Variants in FKBP14 observed in about 807,000 individuals in gnomAD.
FKBP14 encodes the protein FKBP prolyl isomerase 14.
In FKBP14, 20 loss-of-function variants were observed where a neutral mutation model predicts 21.6. That is an observed-to-expected ratio of 0.92 (90% CI 0.65 to 1.34). FKBP14 has a LOEUF of 1.34. Ranked by LOEUF, FKBP14 falls within the 40% of genes most tolerant of loss-of-function variation. The pLI, the probability that FKBP14 is intolerant of heterozygous loss-of-function variation, is 0.00. For missense variants in FKBP14, 253 were observed against 249.0 expected (o/e 1.02, Z -0.11); for synonymous variants, 79 against 86.7 (o/e 0.91, Z 0.49).
chr7:30,026,378 C>G lies in FKBP14; in HGVS notation c.131G>C (p.Gly44Ala). The G allele has an allele frequency of 1.2e-6, 2 of 1,614,170 alleles. No homozygotes were observed. Among genetic ancestry groups the G allele is most frequent in the Non-Finnish European group, 1.7e-6 (2 of 1,180,008 alleles). The change falls in exon 1 of 4, where the codon GGA becomes GCA. Residue 44 changes from glycine (G) to alanine (A), a missense_variant. Physicochemically the swap from Gly to Ala is moderately conservative, Grantham distance 60. Transcript: ENST00000222803. The stretch of plus-strand genomic sequence containing the variant: ...ATAGTGGACCAACATCAAATCCCCT[C>G]CTTTGGTCTTGCGATGGCAGATGAA... ...KPFICHRKTKGGDLMLVHYEG... is the reference protein window; with the variant it reads ...KPFICHRKTKAGDLMLVHYEG...
chr7:30,007,998 G>A (rs1789645427), downstream of FKBP14, among the ~76,000 whole-genome samples: 1 of 152,154 alleles, frequency 6.6e-6, no homozygotes, highest in Non-Finnish European at 1.5e-5. Flanking sequence ...GCAGTGAGCT[G>A]AGATTGTGCC....
At chr7:30,018,044 AATAG>A (rs1164215943) in intron 3 of FKBP14, among the ~76,000 whole-genome samples, 1 of 129,140 alleles carries the variant, frequency 7.7e-6, no homozygotes, top group East Asian at 2.4e-4. Flanking sequence ...TAAATAAATA[AATAG>A]ATTTTTGTTT....
chr7:30,022,855 C>T, intron 1 of FKBP14, 39 bp from the exon 2 acceptor site: 2 of 1,571,058 alleles, frequency 1.3e-6, no homozygotes, highest in South Asian at 2.4e-5. Flanking sequence ...TCCTTATTAA[C>T]TCTAAAAAAT....
chr7:30,024,594 C>T (rs1055626262), intron 1 of FKBP14, among the ~76,000 whole-genome samples: 1 of 152,150 alleles, frequency 6.6e-6, no homozygotes, highest in African/African-American at 2.4e-5. Context: ...GACGGGGTTT[C>T]ACCATGTTGG....
chr7:30,019,701 C>T (rs893850785), intron 2 of FKBP14, among the ~76,000 whole-genome samples: 15 of 152,160 alleles, frequency 9.9e-5, no homozygotes, highest in African/African-American at 2.6e-4. Context: ...AATAAATTTC[C>T]TCCTCAGGAG....
In FKBP14 at chr7:30,014,561, T is replaced by C. The variant is rs148720896; in HGVS notation, c.*174A>G. On this transcript the variant is annotated 3_prime_UTR_variant, in exon 4 of 4. Coordinates refer to ENST00000222803, the MANE Select transcript of FKBP14 (RefSeq NM_017946.4). The stretch of plus-strand genomic sequence containing the variant: ...TTAGCTTTTTCTTCCCAATAACTTA[T>C]CAGAAAGAAATGGGTACTTAGAAAC... The C allele has an allele frequency of 4.5e-4, 175 of 392,938 alleles. No individual in the cohort carries two copies. Among genetic ancestry groups the C allele is most frequent in the Middle Eastern group, 3.4e-3 (5 of 1,480 alleles). 24.3% of individuals were successfully genotyped at this position (392,938 alleles called of 1,614,324 possible).
rs1003856100 is a variant in FKBP14 at position 30,015,876 on chromosome 7, C to T, written c.478-983G>A. On this transcript the variant is annotated intron_variant, in intron 3 of 3. Transcript: ENST00000222803. ...TCCTGACCTCGTGATCTGCCCGCCT[C>T]GGCCTCCCAAAGTGCTGGGATTACA... 6.6e-5 allele frequency among the ~76,000 whole-genome samples: 10 copies of T among 152,068 alleles called. No homozygotes were observed. The East Asian group carries it at 9.7e-4, about 15-fold the overall frequency.
chr7:30,014,659 TA>T lies in FKBP14; in HGVS notation c.*75del, dbSNP rs1248252375. ...AAACAAAGCAAGAAAGAACATTGTA[TA>T]AAAATAAAATGTTCTTTAAAGATGA... is the stretch of plus-strand genomic sequence containing the variant. On this transcript the variant is annotated 3_prime_UTR_variant, in exon 4 of 4. Transcript: ENST00000222803. 22 of 990,700 alleles carry T rather than the reference TA, an allele frequency of 2.2e-5. No homozygotes were observed. The highest frequency in any genetic ancestry group is 3.4e-5 in the African/African-American group (2 of 59,610). The allele number at this position is 990,700 out of a possible 1,614,324, so 61.4% of individuals were successfully genotyped here.
chr7:30,017,597 T>G (rs1291329629), intron 3 of FKBP14, among the ~76,000 whole-genome samples: 1 of 150,118 alleles, frequency 6.7e-6, no homozygotes, highest in East Asian at 2.0e-4. Context: ...ATAATAGAGA[T>G]AAAGTCTTCC....
chr7:30,019,643 C>T (rs1789978529), intron 2 of FKBP14, among the ~76,000 whole-genome samples: 1 of 152,070 alleles, frequency 6.6e-6, no homozygotes, highest in African/African-American at 2.4e-5. Flanking sequence ...CTGAAGTTTA[C>T]ATTTGCCCAT....
rs1789711781 is a variant in FKBP14 at position 30,011,094 on chromosome 7, G to A, written c.*3641C>T. 1.3e-5 allele frequency: 2 copies of A among 151,594 alleles called. No homozygotes were observed. Among genetic ancestry groups the A allele is most frequent in the Non-Finnish European group, 2.9e-5 (2 of 67,946 alleles). 9.4% of individuals were successfully genotyped at this position (151,594 alleles called of 1,614,324 possible). A position where few individuals can be genotyped will look rare whatever the true frequency, so the allele number is the denominator to read the frequency against. The stretch of plus-strand genomic sequence containing the variant: ...GCTCCTCTGTCACCCAGACTAGAGT[G>A]CAGTGGTTCGATCTTGGCTCACTGC... On this transcript the variant is annotated 3_prime_UTR_variant, in exon 4 of 4. Coordinates refer to ENST00000222803, the MANE Select transcript of FKBP14 (RefSeq NM_017946.4).
chr7:30,026,582 G>A lies in FKBP14; in HGVS notation c.-74C>T. 1 of 1,413,726 alleles carries A rather than the reference G, an allele frequency of 7.1e-7. No homozygotes were observed. The highest frequency in any genetic ancestry group is 9.6e-7 in the Non-Finnish European group (1 of 1,044,280). 87.6% of individuals were successfully genotyped at this position (1,413,726 alleles called of 1,614,324 possible). On this transcript the variant is annotated 5_prime_UTR_variant, in exon 1 of 4. Transcript: ENST00000222803. The stretch of plus-strand genomic sequence containing the variant: ...TCGACTTCATAGATTTAAGAACGTA[G>A]TTCAAGGCTTACGGACAAGGGCTTC...
In FKBP14 at chr7:30,014,837, A is replaced by C; in HGVS notation, c.534T>G (p.Ser178Arg). 2.5e-6 allele frequency: 4 copies of C among 1,611,232 alleles called. No homozygotes were observed. The highest frequency in any genetic ancestry group is 2.5e-6 in the Non-Finnish European group (3 of 1,179,082). The change falls in exon 4 of 4, where the codon AGT (serine) becomes AGG (arginine). Residue 178 changes from serine to arginine, a missense_variant. Ser to Arg is a moderately radical substitution (Grantham distance 110). Coordinates refer to ENST00000222803, the MANE Select transcript of FKBP14 (RefSeq NM_017946.4). ...FEKHGAVVNE[S>R]HHDALVEDIF... ...TATCCTCCACCAAAGCATCATGATG[A>C]CTTTCATTCACCACCGCACCATGTT...
intron 2 of FKBP14, among the ~76,000 whole-genome samples, chr7:30,021,941 A>AAAACT (rs1293621659): frequency 6.6e-6 from 1 of 152,192 alleles, no homozygotes; most frequent in Non-Finnish European, 1.5e-5. Flanking sequence ...TCTGCCCTGA[A>AAAACT]AAACTAGTAC....
chr7:30,022,944 TGCACAC>T, intron 1 of FKBP14, 128 bp from the exon 2 acceptor site: 1 of 769,348 alleles, frequency 1.3e-6, no homozygotes, highest in Non-Finnish European at 2.0e-6. Context: ...ATTCTGTATT[TGCACAC>T]ATACACACAC....
At chr7:30,017,648 A>G (rs182878709) in intron 3 of FKBP14, among the ~76,000 whole-genome samples, 36 of 152,242 alleles carry the variant, frequency 2.4e-4, no homozygotes, top group East Asian at 5.8e-4. Flanking sequence ...GCCTCAAGCA[A>G]TCTTCCTGCC....
intron 3 of FKBP14, among the ~76,000 whole-genome samples, chr7:30,015,391 C>T (rs1789854264): frequency 6.6e-6 from 1 of 151,326 alleles, no homozygotes; most frequent in Non-Finnish European, 1.5e-5. Flanking sequence ...GCCCTCCAGC[C>T]TGGGCAACAG....
chr7:30,022,717 C>G lies in FKBP14; in HGVS notation c.297G>C (p.Glu99Asp). The G allele has an allele frequency of 6.2e-7, 1 of 1,614,052 alleles. No homozygotes were observed. Among genetic ancestry groups the G allele is most frequent in the Non-Finnish European group, 8.5e-7 (1 of 1,179,968 alleles). Residue 99 changes from glutamate (E) to aspartate (D), a missense_variant, in exon 2 of 4, where the codon GAG (glutamate) becomes GAC (aspartate). Physicochemically the swap from Glu to Asp is conservative, Grantham distance 45. Transcript: ENST00000222803. ...CAGGAGGAATGATGAGCTTTCTCTT[C>G]TCTCCTACACACATTCCTTTCAAGC... ...DQGLKGMCVGEKRKLIIPPAL... is the reference protein window; with the variant it reads ...DQGLKGMCVGDKRKLIIPPAL...
chr7:30,015,694 C>T lies in FKBP14; in HGVS notation c.478-801G>A, dbSNP rs370462711. On this transcript the variant is annotated intron_variant, in intron 3 of 3. Coordinates refer to ENST00000222803, the MANE Select transcript of FKBP14 (RefSeq NM_017946.4). ...AGGCTGGAGTGCAGTGGCGCAATCTCGGCTCACTGCAAGCTCCGCCTCCCG... is the reference window on the plus strand; with the variant it reads ...AGGCTGGAGTGCAGTGGCGCAATCTTGGCTCACTGCAAGCTCCGCCTCCCG... Among the ~76,000 whole-genome samples the T allele has an allele frequency of 3.4e-4, 50 of 147,274 alleles. 1 individual carries two copies. In the East Asian group the frequency reaches 9.4e-3, roughly 28 times the overall value.
Sources: gnomAD v4.1 joint callset for allele counts (sites outside exome capture counted in the v4.1 genomes callset) on GRCh38, gnomAD v4.1.1 for gene constraint, MANE v1.5 for transcripts, NCBI Gene and HGNC (gene_info 2026-07-23, HGNC 2026-07-21) for gene names.